Variants in ADTRP observed in about 807,000 individuals in gnomAD.
ADTRP encodes androgen-dependent TFPI-regulating protein.
ADTRP carries 20 observed loss-of-function variants against 27.0 expected under a neutral mutation model. The observed-to-expected ratio is 0.74, with a 90% CI of 0.52 to 1.08. ADTRP has a LOEUF of 1.08. Among genes scored for constraint, ADTRP ranks in the 50% least tolerant of loss-of-function variants. The pLI is 0.00. For missense variants in ADTRP, 251 were observed against 275.0 expected (o/e 0.91, Z 0.62); for synonymous variants, 101 against 105.2 (o/e 0.96, Z 0.25).
chr6:11,769,162 A>G (rs16871788), intron 1 of ADTRP, among the ~76,000 whole-genome samples: 30,332 of 152,114 alleles, frequency 0.2, 3,520 homozygotes, highest in African/African-American at 0.32. Flanking sequence ...CTCATTTAAG[A>G]ACTGGTAGGT....
intron 5 of ADTRP, among the ~76,000 whole-genome samples, chr6:11,721,768 A>C (rs1052070874): frequency 2.0e-5 from 3 of 152,188 alleles, no homozygotes; most frequent in African/African-American, 4.8e-5. Context: ...TATAGTTAAA[A>C]ATTGGATGCA....
chr6:11,735,963 G>A (rs1561751152), intron 3 of ADTRP: 2 of 282,986 alleles, frequency 7.1e-6, no homozygotes, highest in South Asian at 4.8e-5. Flanking sequence ...TTTTTTTGGC[G>A]GGGGTGGGGG....
intron 3 of ADTRP, among the ~76,000 whole-genome samples, chr6:11,758,466 A>G (rs1316966927): frequency 4.0e-5 from 6 of 151,284 alleles, no homozygotes; most frequent in African/African-American, 1.5e-4. Context: ...AAACTATCGC[A>G]AGGACAAAAA....
At chr6:11,749,681 G>C (rs1762978830) in intron 3 of ADTRP, among the ~76,000 whole-genome samples, 1 of 152,190 alleles carries the variant, frequency 6.6e-6, no homozygotes, top group Non-Finnish European at 1.5e-5. Context: ...CAGTGCTGCT[G>C]AGAGGTGAGG....
chr6:11,737,158 A>G (rs1762579361), intron 3 of ADTRP, among the ~76,000 whole-genome samples: 1 of 152,126 alleles, frequency 6.6e-6, no homozygotes. Context: ...TATTGATAAC[A>G]TTTATGAAGT....
At chr6:11,743,295 A>C (rs1372554560) in intron 3 of ADTRP, among the ~76,000 whole-genome samples, 1 of 152,112 alleles carries the variant, frequency 6.6e-6, no homozygotes, top group Non-Finnish European at 1.5e-5. Context: ...TCCTTAACAC[A>C]CATTTTGACT....
At chr6:11,739,850 G>C (rs1040221580) in intron 3 of ADTRP, among the ~76,000 whole-genome samples, 2 of 152,162 alleles carry the variant, frequency 1.3e-5, no homozygotes, top group South Asian at 2.1e-4. Context: ...GGAAGCTCCA[G>C]AAACTGAATC....
chr6:11,746,375 C>T (rs1227231787), intron 3 of ADTRP, among the ~76,000 whole-genome samples: 1 of 152,122 alleles, frequency 6.6e-6, no homozygotes. Context: ...GTCAGGGTTT[C>T]TAAACCTCTG....
chr6:11,766,242 TTCTGAGTTCAC>T, intron 3 of ADTRP, 21 bp downstream of exon 3: 1 of 1,531,108 alleles, frequency 6.5e-7, no homozygotes. Flanking sequence ...GCTATTGGTG[TTCTGAGTTCAC>T]TGAATTTTCC....
chr6:11,765,328 T>TTG (rs1338325252), intron 3 of ADTRP, among the ~76,000 whole-genome samples: 1 of 142,808 alleles, frequency 7.0e-6, no homozygotes, highest in Non-Finnish European at 1.5e-5. Flanking sequence ...GGTTTGTTTT[T>TTG]TTTTTTTTTT....
chr6:11,730,188 G>A (rs1306400086), intron 4 of ADTRP, among the ~76,000 whole-genome samples: 5 of 152,110 alleles, frequency 3.3e-5, no homozygotes, highest in Admixed American at 6.5e-5. Context: ...GCTGGACCCC[G>A]CATGTTGACA....
At chr6:11,738,746 T>C (rs1762621827) in intron 3 of ADTRP, 1 of 152,230 alleles carries the variant, frequency 6.6e-6, no homozygotes, top group Non-Finnish European at 1.5e-5. Flanking sequence ...CCTTTGCAAG[T>C]GACATTCAAT....
At chr6:11,748,452 T>C (rs1561759473) in intron 3 of ADTRP, among the ~76,000 whole-genome samples, 1 of 152,194 alleles carries the variant, frequency 6.6e-6, no homozygotes. Context: ...GCCATAATCA[T>C]TAAGTGCCTA....
intron 3 of ADTRP, among the ~76,000 whole-genome samples, chr6:11,759,481 T>C (rs188023034): frequency 3.0e-4 from 45 of 152,274 alleles, no homozygotes; most frequent in Admixed American, 2.2e-3. Flanking sequence ...TTTCTATTGA[T>C]AGGTAACTGC....
At chr6:11,727,071 G>A (rs561880531) in intron 4 of ADTRP, among the ~76,000 whole-genome samples, 28 of 152,276 alleles carry the variant, frequency 1.8e-4, no homozygotes, top group African/African-American at 6.0e-4. Context: ...TGCTCAGGCT[G>A]GAGTGCAGTG....
Position 11,720,779 on chromosome 6 carries a change from T to A in ADTRP, c.658+2570A>T, listed in dbSNP as rs1050310172. On this transcript the variant is annotated intron_variant, in intron 5 of 5. Transcript: ENST00000414691. The stretch of plus-strand genomic sequence containing the variant: ...CCCTAACATGCATGTCTTCAACAAC[T>A]CTCTAACTGGTACGCCTTGTCATCA... 1.3e-5 allele frequency among the ~76,000 whole-genome samples: 2 copies of A among 152,126 alleles called. 1 individual carries two copies. Among genetic ancestry groups the A allele is most frequent in the Non-Finnish European group, 2.9e-5 (2 of 68,032 alleles).
chr6:11,731,173 C>T (rs1335293688), intron 4 of ADTRP, among the ~76,000 whole-genome samples: 1 of 152,196 alleles, frequency 6.6e-6, no homozygotes. Flanking sequence ...ACCTCCAAGG[C>T]AGAAGGGTGC....
intron 3 of ADTRP, among the ~76,000 whole-genome samples, chr6:11,742,083 T>A (rs1385312041): frequency 6.6e-6 from 1 of 152,010 alleles, no homozygotes; most frequent in Non-Finnish European, 1.5e-5. Context: ...TTGGTACATA[T>A]AATCAGGTGC....
intron 4 of ADTRP, among the ~76,000 whole-genome samples, chr6:11,730,679 G>A (rs1762354752): frequency 1.3e-5 from 2 of 152,234 alleles, no homozygotes; most frequent in African/African-American, 4.8e-5. Flanking sequence ...GGAGAGCACA[G>A]TATAAAAGAA....
Sources: allele counts gnomAD v4.1 joint callset (sites outside exome capture counted in the v4.1 genomes callset), GRCh38; gene constraint gnomAD v4.1.1; transcripts MANE v1.5; gene names NCBI Gene and HGNC (gene_info 2026-07-23, HGNC 2026-07-21).